The following KDM7A variants were observed in gnomAD, a reference collection of about 807,000 sequenced individuals.
The protein encoded by KDM7A is lysine-specific demethylase 7A.
A neutral mutation model predicts 114.8 loss-of-function variants in KDM7A; 28 were observed. That is an observed-to-expected ratio of 0.24 (90% CI 0.18 to 0.33). The LOEUF (loss-of-function observed/expected upper bound fraction) is 0.33. Ranked by LOEUF, KDM7A falls within the 10% of genes least tolerant of loss-of-function variation. KDM7A has a pLI of 1.00. For synonymous variants in KDM7A, 423 were observed against 397.8 expected, an observed-to-expected ratio of 1.06 and a Z score of -0.75; for missense variants, 942 against 1,142.5, an observed-to-expected ratio of 0.82 and a Z score of 2.53.
chr7:140,092,180 C>CT, intron 18 of KDM7A, 103 bp from the exon 19 acceptor site: 1 of 1,076,228 alleles, frequency 9.3e-7, no homozygotes, highest in Non-Finnish European at 1.3e-6. Flanking sequence ...AAACAAACTA[C>CT]TGAATTCTGA....
intron 1 of KDM7A, among the ~76,000 whole-genome samples, chr7:140,141,957 A>C (rs1794286817): frequency 6.7e-6 from 1 of 149,376 alleles, no homozygotes; most frequent in African/African-American, 2.4e-5. Context: ...TTTATGTAAA[A>C]TATATTTATA....
At chr7:140,093,687 C>G (rs1452715463) in intron 18 of KDM7A, among the ~76,000 whole-genome samples, 1 of 152,122 alleles carries the variant, frequency 6.6e-6, no homozygotes, top group Non-Finnish European at 1.5e-5. Context: ...ATCAAATGCT[C>G]AAAGAAATTC....
chr7:140,158,080 T>C (rs1794479064), intron 1 of KDM7A, among the ~76,000 whole-genome samples: 1 of 151,978 alleles, frequency 6.6e-6, no homozygotes, highest in Non-Finnish European at 1.5e-5. Context: ...GATTAAAATA[T>C]CTTAGCAATC....
rs1818012038 is a variant in KDM7A, at chr7:140,091,159, C to A, written c.2761G>T (p.Ala921Ser). 2.5e-6 allele frequency: 4 copies of A among 1,614,060 alleles called. No individual in the cohort carries two copies. Among genetic ancestry groups the A allele is most frequent in the Non-Finnish European group, 3.4e-6 (4 of 1,179,874 alleles). ...GKRPKKGMAT[A>S]KQRLGKILKL... is the part of the protein sequence containing the mutation. ...AGGATCTTCCCAAGACGTTGTTTGG[C>A]TGTTGCCATTCCTTTTTTTGGACGT... The change falls in exon 20 of 20, where the codon GCC becomes TCC. Residue 921 changes from alanine to serine, a missense_variant. Ala to Ser is a moderately conservative substitution (Grantham distance 99, BLOSUM62 1). This residue lies in a region of KDM7A where 512 missense variants were observed against 576.6 expected (regional missense o/e 0.89). Transcript: ENST00000397560.
intron 9 of KDM7A, among the ~76,000 whole-genome samples, chr7:140,115,082 G>T (rs1272854967): frequency 6.6e-6 from 1 of 150,872 alleles, no homozygotes; most frequent in Non-Finnish European, 1.5e-5. Flanking sequence ...GGAGGGAGGT[G>T]GGGGGCAGCC....
intron 1 of KDM7A, among the ~76,000 whole-genome samples, chr7:140,149,308 C>T (rs943516533): frequency 2.0e-5 from 3 of 152,170 alleles, no homozygotes; most frequent in South Asian, 2.1e-4. Context: ...TATGGTGATA[C>T]ATTATTTGCT....
chr7:140,103,507 TG>T (rs1818272737), intron 11 of KDM7A, among the ~76,000 whole-genome samples: 1 of 146,950 alleles, frequency 6.8e-6, no homozygotes, highest in Admixed American at 7.0e-5. Context: ...TTCCCCACCC[TG>T]TGTCCATGTG....
In KDM7A at chr7:140,084,853, A is replaced by T. The variant is rs538139404; in HGVS notation, c.*6241T>A. On this transcript the variant is annotated 3_prime_UTR_variant, in exon 20 of 20. Coordinates refer to ENST00000397560, the MANE Select transcript of KDM7A (RefSeq NM_030647.2). ...CAAAAAATACACTAAGTGCTAAAAAAATCAAAACAGAAGTAATACAATTTT... is the reference window on the plus strand; with the variant it reads ...CAAAAAATACACTAAGTGCTAAAAATATCAAAACAGAAGTAATACAATTTT... The T allele has an allele frequency of 2.0e-4, 31 of 152,302 alleles. No individual in the cohort carries two copies. Among genetic ancestry groups the T allele is most frequent in the Non-Finnish European group, 3.7e-4 (25 of 68,038 alleles). 9.4% of individuals were successfully genotyped at this position (152,302 alleles called of 1,614,324 possible).
chr7:140,161,758 A>G (rs974962712), intron 1 of KDM7A, among the ~76,000 whole-genome samples: 1 of 151,360 alleles, frequency 6.6e-6, no homozygotes, highest in Non-Finnish European at 1.5e-5. Context: ...GTTGGCCAGG[A>G]TGGTCTCGAT....
In KDM7A at chr7:140,175,848, C is replaced by G. The variant is rs1465102724; in HGVS notation, c.194+896G>C. Among the ~76,000 whole-genome samples the G allele has an allele frequency of 4.6e-5, 7 of 152,022 alleles. No individual in the cohort carries two copies. The South Asian group carries it at 6.2e-4, about 13-fold the overall frequency. ...GCGCCCGGGCACAGCCGCAGGCGGT[C>G]CCGGTGTCGCCAGCTTCGAGCGATG... On this transcript the variant is annotated intron_variant, in intron 1 of 19. Coordinates refer to ENST00000397560, the MANE Select transcript of KDM7A (RefSeq NM_030647.2).
intron 1 of KDM7A, among the ~76,000 whole-genome samples, chr7:140,151,857 G>A (rs563493272): frequency 4.6e-5 from 7 of 152,178 alleles, no homozygotes; most frequent in African/African-American, 1.7e-4. Flanking sequence ...ATTTCCCATT[G>A]CAAGTACAGA....
chr7:140,106,467 A>C (rs2116762559), intron 11 of KDM7A, among the ~76,000 whole-genome samples: 1 of 152,316 alleles, frequency 6.6e-6, no homozygotes, highest in Non-Finnish European at 1.5e-5. Context: ...AATGTGTCCC[A>C]GAGATTCTGG....
chr7:140,103,864 T>C (rs1018058359), intron 11 of KDM7A, among the ~76,000 whole-genome samples: 6 of 152,228 alleles, frequency 3.9e-5, no homozygotes, highest in African/African-American at 1.2e-4. Context: ...TTTCTAGTTC[T>C]AGATCCCTGA....
At chr7:140,137,970 T>A (rs1818897218) in intron 2 of KDM7A, among the ~76,000 whole-genome samples, 1 of 152,138 alleles carries the variant, frequency 6.6e-6, no homozygotes, top group African/African-American at 2.4e-5. Flanking sequence ...ACAAAGCCTA[T>A]AATTTTCCCT....
intron 1 of KDM7A, among the ~76,000 whole-genome samples, chr7:140,160,153 T>A (rs1267483219): frequency 6.6e-6 from 1 of 152,144 alleles, no homozygotes; most frequent in Non-Finnish European, 1.5e-5. Context: ...AGTAAATTTT[T>A]AAAAATAAAA....
At position 140,089,110 on chromosome 7, in the gene KDM7A, G is replaced by C. The variant is rs967690832; in HGVS notation, c.*1984C>G. The C allele has an allele frequency of 1.3e-5, 2 of 152,132 alleles. No individual in the cohort carries two copies. Among genetic ancestry groups the C allele is most frequent in the East Asian group, 1.9e-4 (1 of 5,198 alleles). 9.4% of individuals were successfully genotyped at this position (152,132 alleles called of 1,614,324 possible). ...TCACAAGAATATACTGTGTGGGAAGGTAGGGGAATCAGTCAAACCCAGATT... is the reference window on the plus strand; with the variant it reads ...TCACAAGAATATACTGTGTGGGAAGCTAGGGGAATCAGTCAAACCCAGATT... On this transcript the variant is annotated 3_prime_UTR_variant, in exon 20 of 20. Coordinates refer to ENST00000397560, the MANE Select transcript of KDM7A (RefSeq NM_030647.2).
chr7:140,147,591 T>C (rs1250999333), intron 1 of KDM7A, among the ~76,000 whole-genome samples: 2 of 152,142 alleles, frequency 1.3e-5, no homozygotes, highest in African/African-American at 2.4e-5. Context: ...TGTGACATAA[T>C]CAGAGGACTG....
intron 11 of KDM7A, among the ~76,000 whole-genome samples, chr7:140,105,174 TAAG>T (rs1029642662): frequency 5.3e-5 from 8 of 152,208 alleles, no homozygotes; most frequent in African/African-American, 1.9e-4. Context: ...CTTGTCAGCT[TAAG>T]GAGATTTTGG....
chr7:140,156,906 C>G (rs998976401), intron 1 of KDM7A, among the ~76,000 whole-genome samples: 2 of 152,242 alleles, frequency 1.3e-5, no homozygotes, highest in Non-Finnish European at 2.9e-5. Context: ...CTAATGCACA[C>G]ACCCTTAACT....
Sources: allele counts gnomAD v4.1 joint callset (sites outside exome capture counted in the v4.1 genomes callset), GRCh38; gene constraint gnomAD v4.1.1; regional missense constraint gnomAD v4.1.1; transcripts MANE v1.5; gene names NCBI Gene and HGNC (gene_info 2026-07-23, HGNC 2026-07-21).